The following ADPGK variants were observed in gnomAD, a reference collection of about 807,000 sequenced individuals.
The protein encoded by ADPGK is ADP-dependent glucokinase.
In ADPGK, 26 loss-of-function variants were observed where a neutral mutation model predicts 42.4. That is an observed-to-expected ratio of 0.61 (90% CI 0.45 to 0.85). The LOEUF (loss-of-function observed/expected upper bound fraction) is 0.85, where lower values mean the gene tolerates loss of function less well. Among genes scored for constraint, ADPGK ranks in the 40% least tolerant of loss-of-function variants. ADPGK has a pLI of 0.00. For synonymous variants in ADPGK, 267 were observed against 252.6 expected (o/e 1.06, Z -0.54); for missense variants, 571 against 627.0 (o/e 0.91, Z 0.95).
At chr15:72,754,139 C>T (rs1167658353) in intron 6 of ADPGK, among the ~76,000 whole-genome samples, 1 of 151,396 alleles carries the variant, frequency 6.6e-6, no homozygotes, top group Non-Finnish European at 1.5e-5. Flanking sequence ...CCCTCCATAT[C>T]CATGGCTTCA....
rs531340150 is a variant in ADPGK at position 72,778,825 on chromosome 15, G to T, written c.234-3728C>A. Among the ~76,000 whole-genome samples the T allele has an allele frequency of 3.9e-5, 6 of 152,324 alleles. 1 individual carries two copies. The highest frequency in any genetic ancestry group is 1.4e-4 in the African/African-American group (6 of 41,562). On this transcript the variant is annotated intron_variant, in intron 1 of 6. Coordinates refer to ENST00000456471, the MANE Select transcript of ADPGK (RefSeq NM_001365225.1). Reference sequence around the variant, plus strand: ...CGGGGGAAAAATGGCTAGGGCAGTGGTCCCTGTGCTGAACCCTAGCTCCTG... The same window carrying T: ...CGGGGGAAAAATGGCTAGGGCAGTGTTCCCTGTGCTGAACCCTAGCTCCTG...
Position 72,756,391 on chromosome 15 carries a change from C to T in ADPGK, c.700G>A (p.Asp234Asn), listed in dbSNP as rs374477325. 6.3e-5 allele frequency: 101 copies of T among 1,614,026 alleles called. No homozygotes were observed. The Middle Eastern group carries it at 6.6e-4, about 11-fold the overall frequency. Residue 234 changes from aspartate to asparagine, a missense_variant, in exon 5 of 7, where the codon GAC (aspartate) becomes AAC (asparagine). Asp to Asn is a conservative substitution (Grantham distance 23). Around this residue, in one of 2 missense-constraint regions of ADPGK, gnomAD observed 434 missense variants for 522.7 expected, o/e 0.83. Transcript: ENST00000456471. ...PHANRFIFSH[D>N]LSNGAMNMLE... ...ATATTCATGGCCCCGTTGGAGAGGT[C>T]GTGAGAGAAGATGAATCGGTTGGCA...
chr15:72,752,947 A>C, intron 6 of ADPGK, 52 bp from the exon 7 acceptor site: 3 of 1,526,056 alleles, frequency 2.0e-6, no homozygotes, highest in Non-Finnish European at 2.6e-6. Flanking sequence ...CTGGCTCCTA[A>C]GATGTCTTAT....
intron 5 of ADPGK, 179 bp from the exon 6 acceptor site, chr15:72,755,833 C>A (rs1232486204): frequency 1.5e-6 from 1 of 651,184 alleles, no homozygotes; most frequent in Non-Finnish European, 2.8e-6. Flanking sequence ...ACTCTTCCCA[C>A]CAGGGAAGAC....
At chr15:72,775,759 A>G (rs2066384624) in intron 1 of ADPGK, among the ~76,000 whole-genome samples, 1 of 152,170 alleles carries the variant, frequency 6.6e-6, no homozygotes, top group South Asian at 2.1e-4. Flanking sequence ...CAGCATTTTA[A>G]GAACTCACCC....
Position 72,783,480 on chromosome 15 carries a change from C to G in ADPGK, c.212G>C (p.Arg71Pro). The change falls in exon 1 of 7, where the codon CGC (arginine) becomes CCC (proline). Residue 71 changes from arginine (R) to proline (P), a missense_variant. Physicochemically the swap from Arg to Pro is moderately radical, Grantham distance 103. Around this residue, in one of 2 missense-constraint regions of ADPGK, gnomAD observed 137 missense variants for 104.2 expected, o/e 1.31. Coordinates refer to ENST00000456471, the MANE Select transcript of ADPGK (RefSeq NM_001365225.1). ...TCACCCCACTGCCACGCGGCGCCAG[C>G]GCCGGACTGGCCGCACGATAAGCGC... Reference protein sequence around the residue: ...WDALIVRPVRRWRRVAVGVNA... With the variant: ...WDALIVRPVRPWRRVAVGVNA... 1.4e-6 allele frequency: 2 copies of G among 1,409,450 alleles called. No homozygotes were observed. The highest frequency in any genetic ancestry group is 1.8e-6 in the Non-Finnish European group (2 of 1,088,538). 87.3% of individuals were successfully genotyped at this position (1,409,450 alleles called of 1,614,324 possible).
chr15:72,778,707 A>G (rs1213476461), intron 1 of ADPGK, among the ~76,000 whole-genome samples: 2 of 152,134 alleles, frequency 1.3e-5, no homozygotes, highest in South Asian at 2.1e-4. Flanking sequence ...TCACCTGTAA[A>G]ATGTTTTCTA....
intron 3 of ADPGK, among the ~76,000 whole-genome samples, chr15:72,766,820 G>A (rs1277328140): frequency 1.3e-5 from 2 of 152,170 alleles, no homozygotes; most frequent in Non-Finnish European, 2.9e-5. Flanking sequence ...TAAAGTCAGA[G>A]AAGATAAAAT....
At chr15:72,780,387 C>A (rs2066442924) in intron 1 of ADPGK, among the ~76,000 whole-genome samples, 1 of 152,294 alleles carries the variant, frequency 6.6e-6, no homozygotes, top group South Asian at 2.1e-4. Context: ...GGGGGAACCG[C>A]CCCCATGATT....
chr15:72,770,469 G>A (rs2066315324), intron 3 of ADPGK, among the ~76,000 whole-genome samples: 1 of 152,122 alleles, frequency 6.6e-6, no homozygotes, highest in South Asian at 2.1e-4. Flanking sequence ...CAGGAGGGTG[G>A]CTTCTTAGGA....
At chr15:72,765,532 G>C (rs1016310200) in intron 3 of ADPGK, among the ~76,000 whole-genome samples, 1 of 152,188 alleles carries the variant, frequency 6.6e-6, no homozygotes, top group African/African-American at 2.4e-5. Context: ...TGATGGATCT[G>C]GGCAAAGTAA....
intron 1 of ADPGK, among the ~76,000 whole-genome samples, chr15:72,782,546 A>AC (rs910424649): frequency 6.6e-6 from 1 of 151,082 alleles, no homozygotes; most frequent in African/African-American, 2.4e-5. Context: ...AAAAAAAAAA[A>AC]AACCCCAAAA....
At chr15:72,765,402 G>A (rs1055649004) in intron 3 of ADPGK, among the ~76,000 whole-genome samples, 7 of 152,070 alleles carry the variant, frequency 4.6e-5, no homozygotes, top group Non-Finnish European at 5.9e-5. Context: ...TGCCCACCTC[G>A]GCCTCCCAAA....
intron 2 of ADPGK, among the ~76,000 whole-genome samples, chr15:72,774,045 G>A (rs1270480501): frequency 6.6e-6 from 1 of 152,114 alleles, no homozygotes; most frequent in African/African-American, 2.4e-5. Flanking sequence ...GTTTCACCAT[G>A]TTGCCCAGGC....
intron 1 of ADPGK, among the ~76,000 whole-genome samples, chr15:72,781,882 T>C (rs1302436119): frequency 6.6e-6 from 1 of 152,188 alleles, no homozygotes; most frequent in Non-Finnish European, 1.5e-5. Flanking sequence ...GTGAGCCCTA[T>C]TCCAAAAGGA....
chr15:72,774,838 C>T, intron 2 of ADPGK, 34 bp downstream of exon 2: 1 of 1,560,786 alleles, frequency 6.4e-7, no homozygotes, highest in Admixed American at 1.8e-5. Context: ...CATCTTTTTC[C>T]ACCCTTAATT....
intron 4 of ADPGK, chr15:72,757,435 G>C (rs1444970961): frequency 6.6e-6 from 1 of 152,340 alleles, no homozygotes; most frequent in African/African-American, 2.4e-5. Context: ...TTAAACTCCT[G>C]ACCTCAGGTG....
chr15:72,771,204 G>T (rs185666720), intron 3 of ADPGK, among the ~76,000 whole-genome samples: 2 of 152,232 alleles, frequency 1.3e-5, no homozygotes, highest in East Asian at 3.9e-4. Flanking sequence ...TGTGAACATG[G>T]CAACGATTTT....
chr15:72,779,258 T>TTC (rs1341228073), intron 1 of ADPGK, among the ~76,000 whole-genome samples: 2 of 149,496 alleles, frequency 1.3e-5, no homozygotes, highest in African/African-American at 5.0e-5. Context: ...TTTTTTTTTT[T>TTC]TTTTTTTGAG....
Sources: allele counts gnomAD v4.1 joint callset (sites outside exome capture counted in the v4.1 genomes callset), GRCh38; gene constraint gnomAD v4.1.1; regional missense constraint gnomAD v4.1.1; transcripts MANE v1.5; gene names NCBI Gene and HGNC (gene_info 2026-07-23, HGNC 2026-07-21).